Variants in COL9A3 observed in about 807,000 individuals in gnomAD.
COL9A3 encodes the protein collagen type IX alpha 3 chain.
In COL9A3, 82 loss-of-function variants were observed where a neutral mutation model predicts 110.2. The observed-to-expected ratio is 0.74, with a 90% CI of 0.62 to 0.89. The LOEUF (loss-of-function observed/expected upper bound fraction) is 0.89. Ranked by LOEUF, COL9A3 falls within the 40% of genes least tolerant of loss-of-function variation. The pLI, the probability that COL9A3 is intolerant of heterozygous loss-of-function variation, is 0.00. For synonymous variants in COL9A3, 494 were observed against 403.8 expected, an observed-to-expected ratio of 1.22 and a Z score of -2.68; for missense variants, 1,066 against 981.3, an observed-to-expected ratio of 1.09 and a Z score of -1.15.
At chr20:62,818,125 C>G (rs557556462) in intron 2 of COL9A3, among the ~76,000 whole-genome samples, 6 of 152,220 alleles carry the variant, frequency 3.9e-5, no homozygotes, top group African/African-American at 1.4e-4. Flanking sequence ...AATTGTGCCT[C>G]CCTCGGAGGG....
rs553546999 is a variant in COL9A3 at position 62,829,767 on chromosome 20, G to A, written c.1109G>A (p.Gly370Glu). ...ACACCCTCCTTCCTTTCCCTGTAGGGAGATGCTGGCATGCCTGGGGAGCGC... is the reference window on the plus strand; with the variant it reads ...ACACCCTCCTTCCTTTCCCTGTAGGAAGATGCTGGCATGCCTGGGGAGCGC... ...AGPSGEPGVP[G>E]DAGMPGERGE... The change falls in exon 22 of 32, where the codon GGA becomes GAA. Residue 370 changes from glycine to glutamate, a missense_variant and splice_region_variant. By Grantham distance (98) the Gly-to-Glu change is moderately conservative. Coordinates refer to ENST00000649368, the MANE Select transcript of COL9A3 (RefSeq NM_001853.4). 3 of 1,591,392 alleles carry A rather than the reference G, an allele frequency of 1.9e-6. No individual in the cohort carries two copies. In the East Asian group the frequency reaches 6.8e-5, roughly 36 times the overall value.
rs2063566051 is a variant in COL9A3, at chr20:62,827,837, T to G, written c.847-86T>G. Reference sequence around the variant, plus strand: ...CCTGCCGCTGCCCACCATAGCTCCTTGGTGTCCCCGAGCAGCTGGCCGGAG... The same window carrying G: ...CCTGCCGCTGCCCACCATAGCTCCTGGGTGTCCCCGAGCAGCTGGCCGGAG... On this transcript the variant is annotated intron_variant, in intron 16 of 31. Coordinates refer to ENST00000649368, the MANE Select transcript of COL9A3 (RefSeq NM_001853.4). 34 of 1,424,692 alleles carry G rather than the reference T, an allele frequency of 2.4e-5. No individual in the cohort carries two copies. In the South Asian group the frequency reaches 3.9e-4, roughly 16 times the overall value. 88.3% of individuals were successfully genotyped at this position (1,424,692 alleles called of 1,614,324 possible).
At chr20:62,828,849 G>A in intron 18 of COL9A3, 32 bp downstream of exon 18, 1 of 1,612,636 alleles carries the variant, frequency 6.2e-7, no homozygotes. Context: ...TGACGGGAGG[G>A]AGGGGGCTGG....
chr20:62,826,166 G>A lies in COL9A3; in HGVS notation c.685-38G>A. 4 of 1,546,814 alleles carry A rather than the reference G, an allele frequency of 2.6e-6. No individual in the cohort carries two copies. The East Asian group carries it at 7.3e-5, about 28-fold the overall frequency. On this transcript the variant is annotated intron_variant, in intron 13 of 31. Coordinates refer to ENST00000649368, the MANE Select transcript of COL9A3 (RefSeq NM_001853.4). ...CCTGGGTGCTCCCCGGGGTGGAGGT[G>A]CAGCCCCAGCCTCTGCATCTGTGCC...
Position 62,821,124 on chromosome 20 carries a change from G to A in COL9A3, c.310-57G>A. 3 of 1,567,472 alleles carry A rather than the reference G, an allele frequency of 1.9e-6. No individual in the cohort carries two copies. The Admixed American group carries it at 5.2e-5, about 27-fold the overall frequency. On this transcript the variant is annotated intron_variant, in intron 5 of 31. Coordinates refer to ENST00000649368, the MANE Select transcript of COL9A3 (RefSeq NM_001853.4). ...GTGACGTCACACTTCAGAGGGAGGG[G>A]ATTGGGTTTGCAAATAGAGGCCCAG...
At chr20:62,822,735 G>T in intron 10 of COL9A3, 103 bp downstream of exon 10, 1 of 1,293,044 alleles carries the variant, frequency 7.7e-7, no homozygotes, top group Admixed American at 1.7e-5. Context: ...AAGAAGGCAG[G>T]GCCCGAGCCC....
intron 5 of COL9A3, among the ~76,000 whole-genome samples, chr20:62,820,840 G>T (rs1304121109): frequency 6.6e-6 from 1 of 152,210 alleles, no homozygotes; most frequent in Non-Finnish European, 1.5e-5. Context: ...GCTGACGTGG[G>T]CGGGGGCTGA....
At chr20:62,819,362 A>G in intron 4 of COL9A3, 69 bp downstream of exon 4, 4 of 1,450,320 alleles carry the variant, frequency 2.8e-6, no homozygotes, top group Non-Finnish European at 3.8e-6. Context: ...GTCCGGCCCT[A>G]ATTGCTGTTG....
At chr20:62,834,265 C>T (rs996354666) in intron 26 of COL9A3, among the ~76,000 whole-genome samples, 2 of 152,208 alleles carry the variant, frequency 1.3e-5, no homozygotes, top group Admixed American at 6.5e-5. Context: ...CTGCCTCAGC[C>T]TCCCAAAGTG....
chr20:62,834,300 G>GT (rs1231284366), intron 26 of COL9A3, among the ~76,000 whole-genome samples: 1 of 152,174 alleles, frequency 6.6e-6, no homozygotes, highest in African/African-American at 2.4e-5. Context: ...GTGAGCCGCC[G>GT]TGTCAGGCCC....
Position 62,830,656 on chromosome 20 carries a change from C to CA in COL9A3, c.1287+68_1287+69insA. The CA allele has an allele frequency of 6.2e-6, 6 of 974,580 alleles. 3 individuals carry two copies. The highest frequency in any genetic ancestry group is 3.0e-5 in the South Asian group (2 of 66,138). 60.4% of individuals were successfully genotyped at this position (974,580 alleles called of 1,614,324 possible). A position where few individuals can be genotyped will look rare whatever the true frequency, so the allele number is the denominator to read the frequency against. Reference sequence around the variant, plus strand: ...ACCCATGTACCACAGTCCCCCACCCCCATGACAGTCCCCCAACCCCCACCA... The same window carrying CA: ...ACCCATGTACCACAGTCCCCCACCCCACATGACAGTCCCCCAACCCCCACCA... On this transcript the variant is annotated intron_variant, in intron 24 of 31. Coordinates refer to ENST00000649368, the MANE Select transcript of COL9A3 (RefSeq NM_001853.4).
At chr20:62,832,063 GGGGAGGTGTTTACCATTC>G (rs2063601230) in intron 24 of COL9A3, 73 bp from the exon 25 acceptor site, 1 of 1,219,176 alleles carries the variant, frequency 8.2e-7, no homozygotes, top group Non-Finnish European at 1.2e-6. Context: ...ATGGAGATGT[GGGGAGGTGTTTACCATTC>G]CTGGGCCCAG....
At chr20:62,833,411 G>T (rs1324116055) in intron 26 of COL9A3, among the ~76,000 whole-genome samples, 1 of 152,152 alleles carries the variant, frequency 6.6e-6, no homozygotes, top group Non-Finnish European at 1.5e-5. Context: ...GGGGTTTCTT[G>T]TTTTTTGTTT....
intron 13 of COL9A3, 62 bp from the exon 14 acceptor site, chr20:62,826,142 C>T: frequency 2.0e-6 from 3 of 1,524,608 alleles, no homozygotes; most frequent in Non-Finnish European, 2.7e-6. Context: ...GGCCTTGGCC[C>T]TGGGTGCTCC....
chr20:62,824,442 CAG>C lies in COL9A3; in HGVS notation c.520-2_520-1del, dbSNP rs1299792807. 1.2e-6 allele frequency: 2 copies of C among 1,600,760 alleles called. No homozygotes were observed. The highest frequency in any genetic ancestry group is 2.7e-5 in the African/African-American group (2 of 74,710). On this transcript the variant is annotated splice_acceptor_variant, in intron 10 of 31. Coordinates refer to ENST00000649368, the MANE Select transcript of COL9A3 (RefSeq NM_001853.4). LOFTEE classifies it high-confidence loss of function. ...GGGGTCTGACTGCTCTGTTTTCCGA[CAG>C]TGCCCAAGTATCTGCCCGCCAGGTC...
chr20:62,833,720 C>T (rs1013754086), intron 26 of COL9A3, among the ~76,000 whole-genome samples: 82 of 142,962 alleles, frequency 5.7e-4, no homozygotes, highest in African/African-American at 2.1e-3. Flanking sequence ...TTTTTTGAGA[C>T]GAAGTTTTGC....
rs750439867 is a variant in COL9A3, at chr20:62,833,001, T to C, written c.1324-19T>C. 5 of 1,612,862 alleles carry C rather than the reference T, an allele frequency of 3.1e-6. No individual in the cohort carries two copies. In the African/African-American group the frequency reaches 4.0e-5, roughly 13 times the overall value. ...CATGCATGAACAGCTCTTTTAACTT[T>C]GGGGTGTATCGTTTTCAGGGTATTG... On this transcript the variant is annotated intron_variant, in intron 25 of 31. Transcript: ENST00000649368.
chr20:62,832,338 C>A, intron 25 of COL9A3, 149 bp downstream of exon 25: 2 of 755,170 alleles, frequency 2.6e-6, no homozygotes, highest in Non-Finnish European at 4.3e-6. Flanking sequence ...GTCGCCCTTT[C>A]TGGCTCCTGC....
chr20:62,830,322 C>A, intron 22 of COL9A3, 38 bp from the exon 23 acceptor site: 1 of 1,555,604 alleles, frequency 6.4e-7, no homozygotes, highest in Non-Finnish European at 8.7e-7. Context: ...CTCCTCGAAC[C>A]CTGAGACATC....
Sources: allele counts gnomAD v4.1 joint callset (sites outside exome capture counted in the v4.1 genomes callset), GRCh38; gene constraint gnomAD v4.1.1; transcripts MANE v1.5; gene names NCBI Gene and HGNC (gene_info 2026-07-23, HGNC 2026-07-21).